LTBP1: variants seen among roughly 807,000 people sequenced by gnomAD.
LTBP1 encodes the protein latent-transforming growth factor beta-binding protein 1.
In LTBP1, 129 loss-of-function variants were observed where a neutral mutation model predicts 207.6. The ratio of observed to expected loss-of-function variants is 0.62; its 90% CI spans 0.54 to 0.72. LTBP1 has a LOEUF of 0.72. Among genes scored for constraint, LTBP1 ranks in the 30% least tolerant of loss-of-function variants. LTBP1 has a pLI of 0.00. For synonymous variants in LTBP1, 963 were observed against 833.7 expected (o/e 1.16, Z -2.67); for missense variants, 2,281 against 2,217.2 (o/e 1.03, Z -0.58).
At position 33,259,657 on chromosome 2, in the gene LTBP1, T is replaced by C. The variant is rs369260479; in HGVS notation, c.2418+47T>C. 27 of 1,554,026 alleles carry C rather than the reference T, an allele frequency of 1.7e-5. No homozygotes were observed. In the African/African-American group the frequency reaches 3.4e-4, roughly 20 times the overall value. The stretch of plus-strand genomic sequence containing the variant: ...AGTCTTTTTTTTTCAACGCTCAAAG[T>C]GATTTTCTATTAGAATATGTATGGA... On this transcript the variant is annotated intron_variant, in intron 13 of 33. Coordinates refer to ENST00000404816, the MANE Select transcript of LTBP1 (RefSeq NM_206943.4).
At chr2:33,026,055 G>GA (rs559306082) in intron 3 of LTBP1, among the ~76,000 whole-genome samples, 28 of 151,736 alleles carry the variant, frequency 1.8e-4, no homozygotes, top group Admixed American at 7.9e-4. Flanking sequence ...TGTAGTAAAG[G>GA]AAAAAAAATC....
In LTBP1 at chr2:33,229,512, G is replaced by A. The variant is rs1368157786; in HGVS notation, c.1876+7361G>A. Among the ~76,000 whole-genome samples, 36 of 152,144 alleles carry A rather than the reference G, an allele frequency of 2.4e-4. 1 individual carries two copies. Among genetic ancestry groups the A allele is most frequent in the Admixed American group, 2.2e-3 (33 of 15,266 alleles). Reference sequence around the variant, plus strand: ...GGAAGGGAGGAAGGAAGGAGAGACGGAGGGAGAGAAAGTTGTACAATACAT... The same window carrying A: ...GGAAGGGAGGAAGGAAGGAGAGACGAAGGGAGAGAAAGTTGTACAATACAT... On this transcript the variant is annotated intron_variant, in intron 9 of 33. Coordinates refer to ENST00000404816, the MANE Select transcript of LTBP1 (RefSeq NM_206943.4).
chr2:33,291,743 AC>A (rs2093778840), intron 19 of LTBP1: 1 of 152,276 alleles, frequency 6.6e-6, no homozygotes, highest in East Asian at 1.9e-4. Flanking sequence ...ACTCACAGAT[AC>A]GTGTTTGCCA....
intron 12 of LTBP1, among the ~76,000 whole-genome samples, chr2:33,259,046 C>A (rs570864305): frequency 6.6e-6 from 1 of 152,062 alleles, no homozygotes. Context: ...GATTCTTTTT[C>A]GTAATTTAGT....
intron 24 of LTBP1, among the ~76,000 whole-genome samples, chr2:33,329,396 T>TC (rs1340867401): frequency 1.3e-5 from 2 of 152,168 alleles, no homozygotes; most frequent in Non-Finnish European, 2.9e-5. Flanking sequence ...CTCAAGTTGT[T>TC]AATTTTAATG....
Position 33,382,158 on chromosome 2 carries a change from G to A in LTBP1, c.4712-7026G>A, listed in dbSNP as rs183482282. 7.7e-5 allele frequency among the ~76,000 whole-genome samples: 10 copies of A among 129,994 alleles called. 1 individual carries two copies. In the South Asian group the frequency reaches 1.0e-3, roughly 13 times the overall value. The allele number at this position is 129,994 out of a possible 152,430, so 85.3% of individuals were successfully genotyped here. ...TGCCCAGGCTGGAGTGCAGTGGTGC[G>A]ATCTCGGTTCACTGCAACCTCCACC... On this transcript the variant is annotated intron_variant, in intron 31 of 33. Coordinates refer to ENST00000404816, the MANE Select transcript of LTBP1 (RefSeq NM_206943.4).
intron 3 of LTBP1, among the ~76,000 whole-genome samples, chr2:33,048,932 C>A (rs116769863): frequency 9.2e-5 from 14 of 152,282 alleles, no homozygotes; most frequent in Non-Finnish European, 1.9e-4. Flanking sequence ...TTTGAAATTG[C>A]TGGCCTTCTG....
intron 3 of LTBP1, among the ~76,000 whole-genome samples, chr2:33,076,986 G>C (rs2078119754): frequency 6.6e-6 from 1 of 152,212 alleles, no homozygotes; most frequent in South Asian, 2.1e-4. Context: ...GGTTAGGAAA[G>C]ATGAATTTTC....
chr2:33,249,045 G>A (rs2092597147), intron 10 of LTBP1, among the ~76,000 whole-genome samples: 1 of 152,124 alleles, frequency 6.6e-6, no homozygotes, highest in Non-Finnish European at 1.5e-5. Context: ...GGGATTAAAT[G>A]CTAATGTGGA....
At chr2:33,171,590 A>G (rs1358692877) in intron 5 of LTBP1, among the ~76,000 whole-genome samples, 2 of 151,344 alleles carry the variant, frequency 1.3e-5, no homozygotes, top group African/African-American at 4.8e-5. Context: ...TCTGCAGGAT[A>G]TTATCCAGGA....
chr2:32,993,978 G>GTGTGTGTA (rs1421935934), intron 2 of LTBP1, among the ~76,000 whole-genome samples: 32 of 149,708 alleles, frequency 2.1e-4, no homozygotes, highest in African/African-American at 7.4e-4. Context: ...GAGTGTGTGT[G>GTGTGTGTA]TGTGTGTGTG....
intron 19 of LTBP1, chr2:33,285,651 G>A (rs2148677969): frequency 6.6e-6 from 1 of 151,974 alleles, no homozygotes; most frequent in African/African-American, 2.4e-5. Flanking sequence ...GTTTCACCAT[G>A]TTGGTCAGGC....
chr2:33,076,209 G>C (rs2078071695), intron 3 of LTBP1, among the ~76,000 whole-genome samples: 1 of 152,150 alleles, frequency 6.6e-6, no homozygotes, highest in Non-Finnish European at 1.5e-5. Context: ...TTTCCAAAGA[G>C]GTTCATAGGA....
intron 9 of LTBP1, among the ~76,000 whole-genome samples, chr2:33,229,478 A>C (rs930405961): frequency 7.2e-5 from 11 of 152,168 alleles, no homozygotes; most frequent in African/African-American, 2.7e-4. Context: ...TGTCTCTAAA[A>C]AGAAAGAAGG....
intron 4 of LTBP1, among the ~76,000 whole-genome samples, chr2:33,120,104 T>C (rs2081015912): frequency 6.7e-6 from 1 of 149,428 alleles, no homozygotes. Context: ...AAGCAAACTT[T>C]AAATCAAGAA....
intron 4 of LTBP1, among the ~76,000 whole-genome samples, chr2:33,122,505 A>G (rs1486434640): frequency 6.6e-6 from 1 of 152,208 alleles, no homozygotes; most frequent in East Asian, 1.9e-4. Context: ...GTGGCCTGGC[A>G]GAGGCACTTT....
intron 3 of LTBP1, among the ~76,000 whole-genome samples, chr2:33,039,733 A>G (rs754632766): frequency 6.6e-6 from 1 of 151,408 alleles, no homozygotes; most frequent in Non-Finnish European, 1.5e-5. Context: ...GGAATTAAAC[A>G]TTTTTTTTTA....
chr2:33,228,667 A>G (rs148747528), intron 9 of LTBP1, among the ~76,000 whole-genome samples: 3 of 145,878 alleles, frequency 2.1e-5, no homozygotes, highest in Admixed American at 7.0e-5. Context: ...GGTCACAAAG[A>G]TAGTTAATAA....
intron 4 of LTBP1, among the ~76,000 whole-genome samples, chr2:33,111,649 C>T (rs528319853): frequency 7.2e-5 from 11 of 152,204 alleles, no homozygotes; most frequent in Non-Finnish European, 1.5e-4. Context: ...CTCCCCGTTT[C>T]TGTACTGAAT....
Sources: allele counts gnomAD v4.1 joint callset (sites outside exome capture counted in the v4.1 genomes callset), GRCh38; gene constraint gnomAD v4.1.1; transcripts MANE v1.5; gene names NCBI Gene and HGNC (gene_info 2026-07-23, HGNC 2026-07-21).